Variants in ATF6 observed in about 807,000 individuals in gnomAD.
ATF6 encodes the protein activating transcription factor 6.
ATF6 carries 53 observed loss-of-function variants against 83.6 expected under a neutral mutation model. The observed-to-expected ratio is 0.63, with a 90% CI of 0.51 to 0.80. The LOEUF (loss-of-function observed/expected upper bound fraction) is 0.80. ATF6 is among the 30% of genes least tolerant of loss of function. The pLI is 0.00. For missense variants in ATF6, 744 were observed against 797.9 expected (o/e 0.93, Z 0.81); for synonymous variants, 288 against 285.8 (o/e 1.01, Z -0.08).
rs1305616175 is a variant in ATF6, at chr1:161,811,782, T to TCCAC, written c.910-7848_910-7847insCCCA. On this transcript the variant is annotated intron_variant, in intron 7 of 15. Coordinates refer to ENST00000367942, the MANE Select transcript of ATF6 (RefSeq NM_007348.4). ...AACCATCCATCCATCCATCCATCCA[T>TCCAC]CCATCCATATACACACACAATTTTT... is the stretch of plus-strand genomic sequence containing the variant. Among the ~76,000 whole-genome samples the TCCAC allele has an allele frequency of 2.0e-5, 3 of 146,994 alleles. No individual in the cohort carries two copies. In the Admixed American group the frequency reaches 2.0e-4, roughly 10 times the overall value.
chr1:161,853,227 A>G lies in ATF6; in HGVS notation c.1437A>G (p.Leu479=). Residue 479 remains leucine, a synonymous_variant, in exon 12 of 16, where the codon TTA becomes TTG. Coordinates refer to ENST00000367942, the MANE Select transcript of ATF6 (RefSeq NM_007348.4). ...TTAATTAAACTATATTTTATAGGTT[A>G]AATCATGAACTTCGAGGATGGGTTC... ...PLINTTESLR[L]NHELRGWVHR... 6.3e-7 allele frequency: 1 copy of G among 1,593,098 alleles called. No individual in the cohort carries two copies. The highest frequency in any genetic ancestry group is 1.3e-5 in the African/African-American group (1 of 74,394).
chr1:161,914,180 G>A (rs1020919946), intron 15 of ATF6, among the ~76,000 whole-genome samples: 1 of 152,116 alleles, frequency 6.6e-6, no homozygotes, highest in Non-Finnish European at 1.5e-5. Context: ...CGTGTTTCAA[G>A]TACCATGCTA....
intron 12 of ATF6, among the ~76,000 whole-genome samples, chr1:161,857,220 A>T (rs1686785474): frequency 6.6e-6 from 1 of 151,986 alleles, no homozygotes; most frequent in Non-Finnish European, 1.5e-5. Context: ...TACCTCTTTC[A>T]GTTGCTAAGA....
intron 14 of ATF6, among the ~76,000 whole-genome samples, chr1:161,863,553 C>T (rs1686929756): frequency 6.6e-6 from 1 of 151,996 alleles, no homozygotes; most frequent in South Asian, 2.1e-4. Flanking sequence ...ATATAAACTA[C>T]TTGTTGATTT....
At chr1:161,912,264 A>G (rs148909367) in intron 14 of ATF6, 32 bp from the exon 15 acceptor site, 4 of 1,538,556 alleles carry the variant, frequency 2.6e-6, no homozygotes, top group East Asian at 2.3e-5. Flanking sequence ...GCCAATTGTT[A>G]TATATAACAG....
intron 1 of ATF6, among the ~76,000 whole-genome samples, chr1:161,776,220 C>G (rs1380059666): frequency 6.6e-6 from 1 of 152,158 alleles, no homozygotes; most frequent in African/African-American, 2.4e-5. Context: ...GCTCAGTCAC[C>G]TAACATATTT....
intron 9 of ATF6, among the ~76,000 whole-genome samples, chr1:161,825,486 T>C (rs1685872562): frequency 6.6e-6 from 1 of 152,218 alleles, no homozygotes; most frequent in Non-Finnish European, 1.5e-5. Flanking sequence ...TGGCTATAAG[T>C]TGAGGGTTCC....
At chr1:161,829,623 ATC>A (rs1685997531) in intron 9 of ATF6, among the ~76,000 whole-genome samples, 2 of 152,150 alleles carry the variant, frequency 1.3e-5, no homozygotes, top group African/African-American at 4.8e-5. Flanking sequence ...AGTGGGCTTC[ATC>A]CCTGGGATGC....
rs534635340 is a variant in ATF6, at chr1:161,802,203, C to G, written c.840C>G (p.Ser280Arg). The G allele has an allele frequency of 6.2e-7, 1 of 1,614,022 alleles. No homozygotes were observed. Among genetic ancestry groups the G allele is most frequent in the African/African-American group, 1.3e-5 (1 of 75,022 alleles). Residue 280 changes from serine (S) to arginine (R), a missense_variant, in exon 7 of 16, where the codon AGC becomes AGG. Coordinates refer to ENST00000367942, the MANE Select transcript of ATF6 (RefSeq NM_007348.4). ...VNVVPAPSAN[S>R]PVNGKLSVTK... ...TGGTACCAGCCCCTTCAGCGAATAG[C>G]CCAGTGAATGGAAAACTTTCCGTGA...
intron 2 of ATF6, among the ~76,000 whole-genome samples, chr1:161,779,721 G>A (rs934406306): frequency 1.3e-5 from 2 of 151,924 alleles, no homozygotes; most frequent in East Asian, 3.9e-4. Context: ...AGGATTTTTT[G>A]GTTGCTAAAA....
At chr1:161,817,984 C>G (rs1376670463) in intron 7 of ATF6, among the ~76,000 whole-genome samples, 1 of 151,568 alleles carries the variant, frequency 6.6e-6, no homozygotes, top group Admixed American at 6.6e-5. Flanking sequence ...ACCTGTAGTC[C>G]CAGCTACTCG....
chr1:161,884,510 T>C (rs1687380365), intron 14 of ATF6, among the ~76,000 whole-genome samples: 1 of 152,116 alleles, frequency 6.6e-6, no homozygotes, highest in South Asian at 2.1e-4. Flanking sequence ...ATTACCTTAC[T>C]TTTATAGTTT....
intron 7 of ATF6, among the ~76,000 whole-genome samples, chr1:161,819,251 T>C (rs552751536): frequency 5.1e-4 from 77 of 152,266 alleles, no homozygotes; most frequent in Middle Eastern, 6.8e-3. Context: ...GAAGTGGCCT[T>C]ATAATTAATT....
In ATF6 at chr1:161,928,441, C is replaced by G. The variant is rs574112159; in HGVS notation, c.1804+16061C>G. Among the ~76,000 whole-genome samples the G allele has an allele frequency of 9.2e-5, 14 of 152,058 alleles. 1 individual carries two copies. The East Asian group carries it at 2.5e-3, about 27-fold the overall frequency. On this transcript the variant is annotated intron_variant, in intron 15 of 15. Coordinates refer to ENST00000367942, the MANE Select transcript of ATF6 (RefSeq NM_007348.4). Reference sequence around the variant, plus strand: ...ATGATAAACCAGAAAGGCTTTTTTTCCCCACCAGTATGTTAAAATATGGAG... The same window carrying G: ...ATGATAAACCAGAAAGGCTTTTTTTGCCCACCAGTATGTTAAAATATGGAG...
intron 15 of ATF6, among the ~76,000 whole-genome samples, chr1:161,926,594 A>T (rs926658801): frequency 2.6e-5 from 4 of 152,164 alleles, no homozygotes; most frequent in Non-Finnish European, 5.9e-5. Context: ...TGGAAGTCTC[A>T]TACCATCACT....
intron 15 of ATF6, among the ~76,000 whole-genome samples, chr1:161,940,737 T>G (rs1309565227): frequency 1.3e-5 from 2 of 152,078 alleles, no homozygotes; most frequent in African/African-American, 4.8e-5. Context: ...TTTTTTTGTT[T>G]TTTTTTAGTA....
At chr1:161,792,091 C>G in intron 5 of ATF6, 33 bp from the exon 6 acceptor site, 1 of 1,596,392 alleles carries the variant, frequency 6.3e-7, no homozygotes, top group Non-Finnish European at 8.6e-7. Flanking sequence ...ATTGCTTTCA[C>G]ATTGACTTGT....
chr1:161,781,410 T>C (rs1174214712), intron 2 of ATF6, among the ~76,000 whole-genome samples: 1 of 152,166 alleles, frequency 6.6e-6, no homozygotes, highest in Non-Finnish European at 1.5e-5. Context: ...TTTTAGAAAT[T>C]TAGGAAGTAT....
At chr1:161,818,663 A>G (rs1685675314) in intron 7 of ATF6, among the ~76,000 whole-genome samples, 1 of 152,254 alleles carries the variant, frequency 6.6e-6, no homozygotes, top group South Asian at 2.1e-4. Context: ...CCAAATGGAA[A>G]TAAACAATGC....
Sources: gnomAD v4.1 joint callset for allele counts (sites outside exome capture counted in the v4.1 genomes callset) on GRCh38, gnomAD v4.1.1 for gene constraint, MANE v1.5 for transcripts, NCBI Gene and HGNC (gene_info 2026-07-23, HGNC 2026-07-21) for gene names.